DCDC1: variants seen among roughly 807,000 people sequenced by gnomAD.
DCDC1 encodes the protein doublecortin domain-containing protein 1.
Under a neutral mutation model 178.3 loss-of-function variants are expected in DCDC1, and 200 were observed. The ratio of observed to expected loss-of-function variants is 1.12; its 90% confidence interval spans 1.00 to 1.26. The LOEUF is 1.26. Among genes scored for constraint, DCDC1 ranks in the 50% most tolerant of loss-of-function variants. The pLI is 0.00. For missense variants in DCDC1, 1,983 were observed against 1,749.2 expected, an observed-to-expected ratio of 1.13 and a Z score of -2.38; for synonymous variants, 690 against 604.8, an observed-to-expected ratio of 1.14 and a Z score of -2.07.
chr11:30,913,832 C>T (rs1305996162), intron 27 of DCDC1, among the ~76,000 whole-genome samples: 1 of 152,202 alleles, frequency 6.6e-6, no homozygotes, highest in Non-Finnish European at 1.5e-5. Flanking sequence ...ACTCATTATG[C>T]AATGGCTTTC....
chr11:30,968,808 T>C (rs991339260), intron 20 of DCDC1, among the ~76,000 whole-genome samples: 1 of 146,970 alleles, frequency 6.8e-6, no homozygotes, highest in Non-Finnish European at 1.5e-5. Flanking sequence ...TTCTGCACAT[T>C]TAAAATCTAG....
At chr11:31,166,574 G>A (rs1386777529) in intron 9 of DCDC1, among the ~76,000 whole-genome samples, 2 of 152,146 alleles carry the variant, frequency 1.3e-5, no homozygotes, top group African/African-American at 4.8e-5. Flanking sequence ...GAGAAAAGAT[G>A]CTGATCTAAG....
chr11:31,042,183 A>C (rs1327552210), intron 20 of DCDC1, among the ~76,000 whole-genome samples: 1 of 152,216 alleles, frequency 6.6e-6, no homozygotes, highest in Non-Finnish European at 1.5e-5. Flanking sequence ...CAATATTAGG[A>C]TTCTTGGCTA....
chr11:31,337,505 C>A (rs941789063), intron 1 of DCDC1, among the ~76,000 whole-genome samples: 1 of 152,112 alleles, frequency 6.6e-6, no homozygotes, highest in South Asian at 2.1e-4. Context: ...CCTGACTCTA[C>A]AAAAAGTAAC....
At chr11:31,031,198 G>A (rs76971261) in intron 20 of DCDC1, among the ~76,000 whole-genome samples, 2 of 152,268 alleles carry the variant, frequency 1.3e-5, no homozygotes, top group African/African-American at 4.8e-5. Context: ...TAGTAGAATG[G>A]TAGGAACTAA....
intron 20 of DCDC1, among the ~76,000 whole-genome samples, chr11:31,046,563 C>T (rs117206427): frequency 0.036 from 5,388 of 149,930 alleles, 121 homozygotes; most frequent in Non-Finnish European, 0.051. Flanking sequence ...AAATTAAAAA[C>T]TTTCAAAATT....
At chr11:31,100,063 G>T (rs1353968012) in intron 15 of DCDC1, among the ~76,000 whole-genome samples, 1 of 152,130 alleles carries the variant, frequency 6.6e-6, no homozygotes, top group African/African-American at 2.4e-5. Context: ...CAAACCCTGT[G>T]CTAGGATATG....
At chr11:31,168,637 T>C (rs781620614) in intron 9 of DCDC1, among the ~76,000 whole-genome samples, 2 of 152,184 alleles carry the variant, frequency 1.3e-5, no homozygotes, top group Admixed American at 1.3e-4. Context: ...TAAGAAAGAC[T>C]GACGGGGTTA....
At chr11:30,991,202 A>G (rs1276779217) in intron 20 of DCDC1, among the ~76,000 whole-genome samples, 3 of 152,152 alleles carry the variant, frequency 2.0e-5, no homozygotes, top group Admixed American at 6.6e-5. Context: ...AGAGAAGGCT[A>G]TGAGAGCCTG....
intron 6 of DCDC1, among the ~76,000 whole-genome samples, chr11:31,302,248 T>C (rs1168981749): frequency 1.3e-5 from 2 of 152,172 alleles, no homozygotes; most frequent in Non-Finnish European, 2.9e-5. Flanking sequence ...TTTGCATTAC[T>C]TACATACAGC....
intron 9 of DCDC1, among the ~76,000 whole-genome samples, chr11:31,213,123 CT>C (rs752822425): frequency 5.6e-4 from 71 of 127,570 alleles, no homozygotes; most frequent in Middle Eastern, 7.9e-3. Flanking sequence ...CTCTCTCTCT[CT>C]CTCTCTCTCT....
At chr11:31,275,367 A>C (rs1439129831) in intron 7 of DCDC1, among the ~76,000 whole-genome samples, 1 of 152,124 alleles carries the variant, frequency 6.6e-6, no homozygotes, top group Non-Finnish European at 1.5e-5. Flanking sequence ...CATGTGTAGT[A>C]ACACTGTTGG....
intron 3 of DCDC1, chr11:31,312,615 G>C (rs1948837292): frequency 6.6e-6 from 1 of 152,166 alleles, no homozygotes; most frequent in Admixed American, 6.6e-5. Flanking sequence ...TTGGAATCTG[G>C]CTTCCTCTGC....
chr11:30,946,779 G>T lies in DCDC1; in HGVS notation c.2715+5666C>A, dbSNP rs146861046. 1.8e-4 allele frequency among the ~76,000 whole-genome samples: 28 copies of T among 152,296 alleles called. No homozygotes were observed. In the South Asian group the frequency reaches 4.1e-3, roughly 23 times the overall value. On this transcript the variant is annotated intron_variant, in intron 21 of 38. Coordinates refer to ENST00000684477, the MANE Select transcript of DCDC1 (RefSeq NM_001387274.1). Reference sequence around the variant, plus strand: ...ATTTCTAAAAAATCTTTTAGACTGTGCCATTGACCTAGAAATAAAATATTA... The same window carrying T: ...ATTTCTAAAAAATCTTTTAGACTGTTCCATTGACCTAGAAATAAAATATTA...
intron 20 of DCDC1, among the ~76,000 whole-genome samples, chr11:30,975,817 T>C (rs1950070967): frequency 1.3e-5 from 2 of 151,938 alleles, no homozygotes; most frequent in African/African-American, 4.8e-5. Context: ...ATACAATCCC[T>C]ATCAAAGTGC....
intron 1 of DCDC1, among the ~76,000 whole-genome samples, chr11:31,344,575 T>A (rs1378013955): frequency 6.6e-6 from 1 of 152,204 alleles, no homozygotes. Flanking sequence ...ATAAAAATAG[T>A]AACCACTTCA....
intron 27 of DCDC1, among the ~76,000 whole-genome samples, chr11:30,914,164 C>T (rs1945655950): frequency 6.6e-6 from 1 of 152,238 alleles, no homozygotes; most frequent in African/African-American, 2.4e-5. Context: ...TGCTGTCCTA[C>T]CTACACATTG....
intron 9 of DCDC1, among the ~76,000 whole-genome samples, chr11:31,194,415 G>T (rs1283934834): frequency 6.6e-6 from 1 of 151,932 alleles, no homozygotes; most frequent in Non-Finnish European, 1.5e-5. Flanking sequence ...GGAAAATTTA[G>T]AAAATATGGA....
intron 20 of DCDC1, among the ~76,000 whole-genome samples, chr11:31,023,754 A>T (rs1328598930): frequency 1.3e-5 from 2 of 152,060 alleles, no homozygotes; most frequent in African/African-American, 4.8e-5. Context: ...AGAACGGGAT[A>T]TTAACCGAGA....
Sources: allele counts gnomAD v4.1 joint callset (sites outside exome capture counted in the v4.1 genomes callset), GRCh38; gene constraint gnomAD v4.1.1; transcripts MANE v1.5; gene names NCBI Gene and HGNC (gene_info 2026-07-23, HGNC 2026-07-21).